Variants in RGS7BP observed in about 807,000 individuals in gnomAD.
RGS7BP encodes regulator of G protein signaling 7 binding protein.
A neutral mutation model predicts 31.3 loss-of-function variants in RGS7BP; 9 were observed. The ratio of observed to expected loss-of-function variants is 0.29; its 90% CI spans 0.17 to 0.50. The LOEUF (loss-of-function observed/expected upper bound fraction) is 0.50, where lower values mean the gene tolerates loss of function less well. Among genes scored for constraint, RGS7BP ranks in the 20% least tolerant of loss-of-function variants. The pLI, the probability that RGS7BP is intolerant of heterozygous loss-of-function variation, is 0.98. For missense variants in RGS7BP, 274 were observed against 322.0 expected (o/e 0.85, Z 1.14); for synonymous variants, 115 against 120.1 (o/e 0.96, Z 0.28).
At chr5:64,545,978 A>C (rs2111823476) in intron 2 of RGS7BP, among the ~76,000 whole-genome samples, 1 of 152,108 alleles carries the variant, frequency 6.6e-6, no homozygotes, top group South Asian at 2.1e-4. Context: ...ATATGGTGAA[A>C]CCCCATCTCT....
intron 4 of RGS7BP, among the ~76,000 whole-genome samples, chr5:64,595,539 A>G (rs186789709): frequency 3.3e-5 from 5 of 152,244 alleles, no homozygotes; most frequent in Admixed American, 6.5e-5. Context: ...AGGGAGTAAT[A>G]ATAATAATAT....
chr5:64,577,584 G>A (rs1249656315), intron 3 of RGS7BP, among the ~76,000 whole-genome samples: 1 of 152,130 alleles, frequency 6.6e-6, no homozygotes, highest in Non-Finnish European at 1.5e-5. Context: ...GCCTTCTGAA[G>A]GCTGATTTTG....
intron 2 of RGS7BP, among the ~76,000 whole-genome samples, chr5:64,524,539 T>C (rs1023284541): frequency 6.6e-6 from 1 of 152,338 alleles, no homozygotes; most frequent in East Asian, 1.9e-4. Flanking sequence ...TTTTTTCCTC[T>C]ATAATTTCTT....
intron 3 of RGS7BP, among the ~76,000 whole-genome samples, chr5:64,589,478 CA>C (rs1321642653): frequency 5.3e-5 from 8 of 151,920 alleles, no homozygotes; most frequent in Non-Finnish European, 1.2e-4. Context: ...ATATTCTTGC[CA>C]AAAAAATGTT....
intron 2 of RGS7BP, among the ~76,000 whole-genome samples, chr5:64,567,196 T>C (rs2111877915): frequency 6.6e-6 from 1 of 151,824 alleles, no homozygotes; most frequent in East Asian, 1.9e-4. Context: ...GGACCACTAA[T>C]GCGGTCCATG....
chr5:64,580,596 T>C (rs1197181630), intron 3 of RGS7BP, among the ~76,000 whole-genome samples: 1 of 150,782 alleles, frequency 6.6e-6, no homozygotes, highest in African/African-American at 2.4e-5. Context: ...ATATAAAATA[T>C]AAATATAAAT....
chr5:64,519,500 C>T lies in RGS7BP; in HGVS notation c.332+11623C>T, dbSNP rs10068695. The stretch of plus-strand genomic sequence containing the variant: ...ATCAGCTCTGCCTGACTGGGTGTAG[C>T]CAGGGAAAACGACTTCATAAAGGGA... On this transcript the variant is annotated intron_variant, in intron 2 of 5. Coordinates refer to ENST00000334025, the MANE Select transcript of RGS7BP (RefSeq NM_001029875.3). Among the ~76,000 whole-genome samples, 7 of 152,080 alleles carry T rather than the reference C, an allele frequency of 4.6e-5. No individual in the cohort carries two copies. The South Asian group carries it at 1.5e-3, about 32-fold the overall frequency.
chr5:64,554,691 G>C (rs1741880680), intron 2 of RGS7BP, among the ~76,000 whole-genome samples: 1 of 152,084 alleles, frequency 6.6e-6, no homozygotes, highest in South Asian at 2.1e-4. Context: ...TCTAGCAAAG[G>C]TGAAAGTGAA....
intron 2 of RGS7BP, among the ~76,000 whole-genome samples, chr5:64,540,183 A>C (rs990062380): frequency 3.3e-5 from 5 of 152,142 alleles, no homozygotes; most frequent in African/African-American, 1.2e-4. Context: ...TGTAAAAATA[A>C]TGTGTTTATT....
intron 2 of RGS7BP, among the ~76,000 whole-genome samples, chr5:64,551,362 A>G (rs1471475552): frequency 6.7e-6 from 1 of 150,134 alleles, no homozygotes; most frequent in Non-Finnish European, 1.5e-5. Context: ...TCCCCAATTC[A>G]AGCAATTCTC....
In RGS7BP at chr5:64,557,598, G is replaced by A. The variant is rs114623406; in HGVS notation, c.333-18176G>A. Reference sequence around the variant, plus strand: ...ATTGGATATCTGTTATGGATCTCTGGAATTTTAGTGATGTGAGCAGGAACA... The same window carrying A: ...ATTGGATATCTGTTATGGATCTCTGAAATTTTAGTGATGTGAGCAGGAACA... On this transcript the variant is annotated intron_variant, in intron 2 of 5. Transcript: ENST00000334025. 4.9e-3 allele frequency among the ~76,000 whole-genome samples: 750 copies of A among 152,256 alleles called. 7 individuals are homozygous for A. The highest frequency in any genetic ancestry group is 0.017 in the African/African-American group (707 of 41,558).
intron 5 of RGS7BP, among the ~76,000 whole-genome samples, chr5:64,600,050 C>A (rs932558856): frequency 6.6e-6 from 1 of 152,172 alleles, no homozygotes; most frequent in Non-Finnish European, 1.5e-5. Flanking sequence ...GGAATCCCTG[C>A]TACCACTCAC....
chr5:64,526,188 G>A (rs187898788), intron 2 of RGS7BP, among the ~76,000 whole-genome samples: 13 of 152,282 alleles, frequency 8.5e-5, no homozygotes, highest in East Asian at 3.9e-4. Context: ...TTATATAGCC[G>A]CAAAGGAAAA....
At chr5:64,567,531 C>G (rs1478996632) in intron 2 of RGS7BP, among the ~76,000 whole-genome samples, 1 of 152,122 alleles carries the variant, frequency 6.6e-6, no homozygotes, top group Non-Finnish European at 1.5e-5. Flanking sequence ...ATCTACCTGT[C>G]TGTTTATCCC....
At chr5:64,581,497 T>C (rs1246476528) in intron 3 of RGS7BP, among the ~76,000 whole-genome samples, 2 of 152,234 alleles carry the variant, frequency 1.3e-5, no homozygotes, top group Non-Finnish European at 2.9e-5. Context: ...CAGATAGAAT[T>C]ATGTACCTCA....
chr5:64,546,909 T>C (rs1168487322), intron 2 of RGS7BP, among the ~76,000 whole-genome samples: 1 of 152,132 alleles, frequency 6.6e-6, no homozygotes, highest in Non-Finnish European at 1.5e-5. Context: ...CCCCAGAAGG[T>C]TCCCTCATGC....
chr5:64,600,435 T>C (rs1580470577), intron 5 of RGS7BP, among the ~76,000 whole-genome samples: 1 of 152,310 alleles, frequency 6.6e-6, no homozygotes, highest in African/African-American at 2.4e-5. Flanking sequence ...AAGAATATGA[T>C]ATAAATATTT....
At chr5:64,526,452 C>T (rs1169581974) in intron 2 of RGS7BP, among the ~76,000 whole-genome samples, 1 of 152,128 alleles carries the variant, frequency 6.6e-6, no homozygotes, top group Non-Finnish European at 1.5e-5. Flanking sequence ...AACTTTGCCT[C>T]CAGACACTTG....
chr5:64,532,000 C>T (rs900759952), intron 2 of RGS7BP, among the ~76,000 whole-genome samples: 1 of 152,056 alleles, frequency 6.6e-6, no homozygotes, highest in Non-Finnish European at 1.5e-5. Context: ...TATGTGCATA[C>T]AAGCACAAGT....
Sources: allele counts gnomAD v4.1 joint callset (sites outside exome capture counted in the v4.1 genomes callset), GRCh38; gene constraint gnomAD v4.1.1; transcripts MANE v1.5; gene names NCBI Gene and HGNC (gene_info 2026-07-23, HGNC 2026-07-21).